Variants in NXPE3 observed in about 807,000 individuals in gnomAD.
NXPE3 encodes the protein NXPE family member 3.
A neutral mutation model predicts 46.1 loss-of-function variants in NXPE3; 26 were observed. The ratio of observed to expected loss-of-function variants is 0.56; its 90% CI spans 0.41 to 0.78. The LOEUF (loss-of-function observed/expected upper bound fraction) is 0.78. Ranked by LOEUF, NXPE3 falls within the 30% of genes least tolerant of loss-of-function variation. The pLI is 0.00. For synonymous variants in NXPE3, 272 were observed against 257.9 expected (o/e 1.05, Z -0.52); for missense variants, 620 against 686.0 (o/e 0.90, Z 1.07).
At chr3:101,807,775 A>G (rs746652944) in intron 6 of NXPE3, among the ~76,000 whole-genome samples, 1 of 152,056 alleles carries the variant, frequency 6.6e-6, no homozygotes, top group Non-Finnish European at 1.5e-5. Flanking sequence ...TAAAATTCAA[A>G]ATCTAGTTAT....
chr3:101,813,918 G>A (rs1412009505), intron 6 of NXPE3, among the ~76,000 whole-genome samples: 2 of 152,096 alleles, frequency 1.3e-5, no homozygotes, highest in Non-Finnish European at 2.9e-5. Context: ...CCATAAGGGG[G>A]CAACATAGGT....
rs147617295 is a variant in NXPE3, at chr3:101,792,751, T to C, written c.93+7062T>C. On this transcript the variant is annotated intron_variant, in intron 4 of 7. Coordinates refer to ENST00000273347, the MANE Select transcript of NXPE3 (RefSeq NM_145037.4). ...AGGATTGCCTTGGCTATTTGGGCTC[T>C]TTTTGGTTGCATATGAATTTTAAAA... 7.3e-3 allele frequency among the ~76,000 whole-genome samples: 1,113 copies of C among 152,356 alleles called. 7 individuals are homozygous for C. Among genetic ancestry groups the C allele is most frequent in the Non-Finnish European group, 0.012 (832 of 68,040 alleles).
intron 4 of NXPE3, 136 bp from the exon 5 acceptor site, chr3:101,801,099 T>G (rs374565086): frequency 1.8e-5 from 17 of 962,890 alleles, no homozygotes; most frequent in Middle Eastern, 3.4e-4. Context: ...GGATTTTTCT[T>G]TGATATTCAC....
intron 5 of NXPE3, among the ~76,000 whole-genome samples, chr3:101,805,210 A>G (rs1467621121): frequency 6.6e-6 from 1 of 152,150 alleles, no homozygotes; most frequent in East Asian, 1.9e-4. Flanking sequence ...TGGGACATTT[A>G]TCATTGTTAT....
chr3:101,793,859 A>T (rs1940666613), intron 4 of NXPE3, among the ~76,000 whole-genome samples: 1 of 151,294 alleles, frequency 6.6e-6, no homozygotes. Flanking sequence ...TTTTCTTCAC[A>T]GTTGTTTTGC....
chr3:101,811,975 C>T (rs1212683861), intron 6 of NXPE3, among the ~76,000 whole-genome samples: 1 of 152,066 alleles, frequency 6.6e-6, no homozygotes, highest in African/African-American at 2.4e-5. Flanking sequence ...CTCAAGTGAT[C>T]CGCCTGCCTT....
intron 5 of NXPE3, 130 bp downstream of exon 5, chr3:101,802,119 G>C: frequency 1.3e-6 from 1 of 755,546 alleles, no homozygotes; most frequent in Non-Finnish European, 2.0e-6. Context: ...TACAGAAGAG[G>C]TAGTGAATAA....
chr3:101,809,223 A>G lies in NXPE3; in HGVS notation c.922+2097A>G, dbSNP rs542908158. Among the ~76,000 whole-genome samples, 40 of 152,278 alleles carry G rather than the reference A, an allele frequency of 2.6e-4. 1 individual carries two copies. In the South Asian group the frequency reaches 8.1e-3, roughly 31 times the overall value. ...ATATTTTTAGAGGAAGAAAGTAACT[A>G]TGAATTAGTAGGAGCAGAATATCCT... is the stretch of plus-strand genomic sequence containing the variant. On this transcript the variant is annotated intron_variant, in intron 6 of 7. Coordinates refer to ENST00000273347, the MANE Select transcript of NXPE3 (RefSeq NM_145037.4).
rs1386905230 is a variant in NXPE3, at chr3:101,801,973, A to G, written c.832A>G (p.Ser278Gly). 1 of 1,608,502 alleles carries G rather than the reference A, an allele frequency of 6.2e-7. No individual in the cohort carries two copies. The highest frequency in any genetic ancestry group is 8.5e-7 in the Non-Finnish European group (1 of 1,178,908). Residue 278 changes from serine to glycine, a missense_variant, in exon 5 of 8, where the codon AGT becomes GGT. This residue lies in a region of NXPE3 where 511 missense variants were observed against 528.6 expected (regional missense o/e 0.97). Transcript: ENST00000273347. ...YLKGLLTAAE[S>G]AFFQSGVNIK... ...GAAAGGTCTCCTAACCGCTGCAGAG[A>G]GTGCTTTCTTCCAGAGGTATGTACT...
At chr3:101,804,381 G>T (rs1941311575) in intron 5 of NXPE3, among the ~76,000 whole-genome samples, 1 of 152,196 alleles carries the variant, frequency 6.6e-6, no homozygotes, top group Admixed American at 6.5e-5. Context: ...CCTGGGTGAG[G>T]CTGGTTGATG....
rs1942377079 is a variant in NXPE3 at position 101,824,023 on chromosome 3, A to G, written c.*2069A>G. On this transcript the variant is annotated 3_prime_UTR_variant, in exon 8 of 8. Coordinates refer to ENST00000273347, the MANE Select transcript of NXPE3 (RefSeq NM_145037.4). ...GGAGGATTGCTTGAGCCCAGGAGGC[A>G]GAAGGTTGCAGAGGTTGCAGTGAGC... 6.6e-6 allele frequency: 1 copy of G among 151,388 alleles called. No individual in the cohort carries two copies. The highest frequency in any genetic ancestry group is 6.6e-5 in the Admixed American group (1 of 15,146). 9.4% of individuals were successfully genotyped at this position (151,388 alleles called of 1,614,324 possible). A position where few individuals can be genotyped will look rare whatever the true frequency, so the allele number is the denominator to read the frequency against.
In NXPE3 at chr3:101,801,785, G is replaced by T. The variant is rs746081450; in HGVS notation, c.644G>T (p.Arg215Leu). The change falls in exon 5 of 8, where the codon CGT becomes CTT. Residue 215 changes from arginine to leucine, a missense_variant. Coordinates refer to ENST00000273347, the MANE Select transcript of NXPE3 (RefSeq NM_145037.4). ...AGGGTCTATTTCAAGAGTCTCTTCCGTTCAGGAAGAATTTCTGAAACTACT... is the reference window on the plus strand; with the variant it reads ...AGGGTCTATTTCAAGAGTCTCTTCCTTTCAGGAAGAATTTCTGAAACTACT... ...PDRVYFKSLF[R>L]SGRISETTEC... The T allele has an allele frequency of 9.3e-6, 15 of 1,614,006 alleles. No homozygotes were observed. The highest frequency in any genetic ancestry group is 1.1e-5 in the Non-Finnish European group (13 of 1,180,006).
chr3:101,798,494 C>T (rs1392163029), intron 4 of NXPE3, among the ~76,000 whole-genome samples: 1 of 149,980 alleles, frequency 6.7e-6, no homozygotes, highest in Non-Finnish European at 1.5e-5. Flanking sequence ...AAGCAATCCT[C>T]ATATATATAC....
intron 3 of NXPE3, among the ~76,000 whole-genome samples, chr3:101,784,413 A>C (rs1036067493): frequency 6.6e-6 from 1 of 152,122 alleles, no homozygotes; most frequent in African/African-American, 2.4e-5. Flanking sequence ...GCTGATTGGC[A>C]TTGTCATTGT....
intron 4 of NXPE3, among the ~76,000 whole-genome samples, chr3:101,793,410 T>G (rs1940628207): frequency 6.6e-6 from 1 of 152,254 alleles, no homozygotes; most frequent in Admixed American, 6.5e-5. Flanking sequence ...AAAACAGGTT[T>G]CTTCTAGCTA....
At position 101,805,306 on chromosome 3, in the gene NXPE3, ATT is replaced by A. The variant is rs572376853; in HGVS notation, c.849-1744_849-1743del. ...AATGACTTCTGTAGCTATCTTTTTA[ATT>A]TTAACTAATCTAATCTATGCTTACT... On this transcript the variant is annotated intron_variant, in intron 5 of 7. Transcript: ENST00000273347. Among the ~76,000 whole-genome samples the A allele has an allele frequency of 3.0e-4, 46 of 152,194 alleles. 1 individual carries two copies. The South Asian group carries it at 9.6e-3, about 32-fold the overall frequency.
In NXPE3 at chr3:101,825,589, A is replaced by G. The variant is rs1188405310; in HGVS notation, c.*3635A>G. 6.6e-6 allele frequency: 1 copy of G among 152,206 alleles called. No homozygotes were observed. Among genetic ancestry groups the G allele is most frequent in the Non-Finnish European group, 1.5e-5 (1 of 68,038 alleles). The allele number at this position is 152,206 out of a possible 1,614,324, so 9.4% of individuals were successfully genotyped here. On this transcript the variant is annotated 3_prime_UTR_variant, in exon 8 of 8. Coordinates refer to ENST00000273347, the MANE Select transcript of NXPE3 (RefSeq NM_145037.4). ...ATATTTTCTTGCAGGTTTTTTAACCATATACTTATAGAGAATATGTAATTT... is the reference window on the plus strand; with the variant it reads ...ATATTTTCTTGCAGGTTTTTTAACCGTATACTTATAGAGAATATGTAATTT...
In NXPE3 at chr3:101,823,427, C is replaced by T. The variant is rs1214577918; in HGVS notation, c.*1473C>T. 6.6e-6 allele frequency: 1 copy of T among 151,968 alleles called. No homozygotes were observed. The highest frequency in any genetic ancestry group is 1.5e-5 in the Non-Finnish European group (1 of 68,002). The allele number at this position is 151,968 out of a possible 1,614,324, so 9.4% of individuals were successfully genotyped here. A position where few individuals can be genotyped will look rare whatever the true frequency, so the allele number is the denominator to read the frequency against. On this transcript the variant is annotated 3_prime_UTR_variant, in exon 8 of 8. Transcript: ENST00000273347. Reference sequence around the variant, plus strand: ...TTAAAATAGTTTAATTTTAATGGTCCTTACGCTTTACAGTACCTAAGGATC... The same window carrying T: ...TTAAAATAGTTTAATTTTAATGGTCTTTACGCTTTACAGTACCTAAGGATC...
intron 6 of NXPE3, among the ~76,000 whole-genome samples, chr3:101,810,976 C>A (rs1941680843): frequency 6.6e-6 from 1 of 152,082 alleles, no homozygotes; most frequent in Admixed American, 6.5e-5. Flanking sequence ...ATTACAGCCA[C>A]ACCTGGCTAA....
Sources: gnomAD v4.1 joint callset for allele counts (sites outside exome capture counted in the v4.1 genomes callset) on GRCh38, gnomAD v4.1.1 for gene constraint, gnomAD v4.1.1 regional missense constraint, MANE v1.5 for transcripts, NCBI Gene and HGNC (gene_info 2026-07-23, HGNC 2026-07-21) for gene names.